WDR20: variants seen among roughly 807,000 people sequenced by gnomAD.
WDR20 encodes the protein WD repeat domain 20, also known as WD repeat-containing protein 20.
A neutral mutation model predicts 38.7 loss-of-function variants in WDR20; 3 were observed. The ratio of observed to expected loss-of-function variants is 0.08; its 90% CI spans 0.04 to 0.20. The LOEUF is 0.20. Among genes scored for constraint, WDR20 ranks in the 10% least tolerant of loss-of-function variants. The pLI is 1.00. For missense variants in WDR20, 559 were observed against 727.7 expected (o/e 0.77, Z 2.67); for synonymous variants, 298 against 285.6 (o/e 1.04, Z -0.44).
At chr14:102,211,004 G>A (rs1239887969), downstream of WDR20, among the ~76,000 whole-genome samples, 1 of 152,156 alleles carries the variant, frequency 6.6e-6, no homozygotes, top group African/African-American at 2.4e-5. The surrounding 1 kb of genome is among the most constrained non-coding windows in gnomAD (Gnocchi z 4.2). Context: ...CCACCCTAGC[G>A]CCTCAGCCCA....
At chr14:102,212,659 G>A (rs1358759863), downstream of WDR20, 2 of 1,528,582 alleles carry the variant, frequency 1.3e-6, no homozygotes, top group Non-Finnish European at 1.8e-6. Context: ...GTGCTTCTGA[G>A]TAATGGCTCC....
At chr14:102,212,625 A>G (rs1284906688), downstream of WDR20, 3 of 1,534,768 alleles carry the variant, frequency 2.0e-6, no homozygotes, top group Non-Finnish European at 2.6e-6. Flanking sequence ...AGAGAGGGGC[A>G]GGGAAGCGCC....
intron 1 of WDR20, chr14:102,193,498 T>C: frequency 6.2e-7 from 1 of 1,613,590 alleles, no homozygotes; most frequent in Non-Finnish European, 8.5e-7. Context: ...GAGATTCTCA[T>C]CTCCGTTTTA....
At chr14:102,223,832 G>T (rs987802416), downstream of WDR20, among the ~76,000 whole-genome samples, 2 of 152,074 alleles carry the variant, frequency 1.3e-5, no homozygotes, top group South Asian at 4.2e-4. Flanking sequence ...GCTCAGGAGG[G>T]CGTGGGCTCT....
chr14:102,190,779 T>C (rs2066169191), intron 1 of WDR20, among the ~76,000 whole-genome samples: 1 of 152,050 alleles, frequency 6.6e-6, no homozygotes. Flanking sequence ...GGCGGGCAGA[T>C]CACTTGAGGT....
chr14:102,195,938 A>G (rs1009172140), intron 2 of WDR20: 8 of 152,226 alleles, frequency 5.3e-5, no homozygotes, highest in Non-Finnish European at 8.8e-5. Context: ...CTGGGTTCCA[A>G]TCTCTACTTG....
chr14:102,139,578 C>T, upstream of WDR20: 1 of 723,900 alleles, frequency 1.4e-6, no homozygotes, highest in Non-Finnish European at 2.2e-6. Context: ...CGCGGTTCCC[C>T]CTGACCGGCT....
chr14:102,147,200 G>T (rs780471195), intron 1 of WDR20, among the ~76,000 whole-genome samples: 2 of 152,134 alleles, frequency 1.3e-5, no homozygotes, highest in Non-Finnish European at 2.9e-5. Context: ...TTCAAGACCA[G>T]CCTGGCCAAC....
intron 2 of WDR20, among the ~76,000 whole-genome samples, chr14:102,200,468 TG>T (rs754740194): frequency 0.099 from 4,237 of 43,004 alleles, 101 homozygotes; most frequent in Middle Eastern, 0.26. Context: ...TTTTTTTTTT[TG>T]TGTGTGTGTG....
At chr14:102,141,643 G>A (rs895199341) in intron 1 of WDR20, among the ~76,000 whole-genome samples, 1 of 152,038 alleles carries the variant, frequency 6.6e-6, no homozygotes, top group African/African-American at 2.4e-5. Context: ...AAAAGGGAAT[G>A]TTACAGTGCA....
intron 1 of WDR20, among the ~76,000 whole-genome samples, chr14:102,177,347 CTG>C (rs2062382274): frequency 6.6e-6 from 1 of 152,188 alleles, no homozygotes; most frequent in African/African-American, 2.4e-5. Flanking sequence ...ACTGCAGGAA[CTG>C]TGAAAAACAT....
downstream of WDR20, chr14:102,212,744 G>A (rs1198313682): frequency 1.4e-6 from 2 of 1,392,518 alleles, no homozygotes; most frequent in African/African-American, 2.9e-5. Context: ...TGCAATGCGT[G>A]CTGCTAACCC....
chr14:102,208,825 G>A lies in WDR20; in HGVS notation c.655G>A (p.Gly219Ser). 6.2e-7 allele frequency: 1 copy of A among 1,614,244 alleles called. No homozygotes were observed. Among genetic ancestry groups the A allele is most frequent in the Non-Finnish European group, 8.5e-7 (1 of 1,180,056 alleles). Residue 219 changes from glycine to serine, a missense_variant, in exon 3 of 3, where the codon GGC becomes AGC. By Grantham distance (56) the Gly-to-Ser change is moderately conservative (BLOSUM62 0). Transcript: ENST00000342702. The surrounding 1 kb of genome is among the most constrained non-coding windows in gnomAD (Gnocchi z 5.6). ...GAACCCTCTCCTTAAGTGGACGGTG[G>A]GCGAGGGGGCCCTCAACGAGTTTGC... ...TRNPLLKWTV[G>S]EGALNEFAFS...
chr14:102,148,180 G>A (rs1005954510), intron 1 of WDR20, among the ~76,000 whole-genome samples: 1 of 152,218 alleles, frequency 6.6e-6, no homozygotes, highest in Non-Finnish European at 1.5e-5. Context: ...CTTAAAAATA[G>A]AAGTAACCTT....
At position 102,210,447 on chromosome 14, in the gene WDR20, A is replaced by C; in HGVS notation, c.*567A>C. The C allele has an allele frequency of 1.1e-5, 11 of 985,420 alleles. No individual in the cohort carries two copies. Among genetic ancestry groups the C allele is most frequent in the Non-Finnish European group, 1.3e-5 (11 of 829,908 alleles). 61.0% of individuals were successfully genotyped at this position (985,420 alleles called of 1,614,324 possible). ...CATTGTTCTGGCAATCCACAGAAAG[A>C]GAAGAGCCTTAATTTTTAAAACCCA... On this transcript the variant is annotated 3_prime_UTR_variant, in exon 3 of 3. Transcript: ENST00000342702.
chr14:102,156,585 T>G (rs896114355), intron 1 of WDR20, among the ~76,000 whole-genome samples: 3 of 152,052 alleles, frequency 2.0e-5, no homozygotes, highest in African/African-American at 7.3e-5. Context: ...CGGGTCTCAC[T>G]GCAGCCTTGA....
At chr14:102,187,045 G>A (rs2064992094) in intron 1 of WDR20, among the ~76,000 whole-genome samples, 1 of 151,964 alleles carries the variant, frequency 6.6e-6, no homozygotes, top group African/African-American at 2.4e-5. Flanking sequence ...GCCCCTAGTC[G>A]TTCCACTTCT....
chr14:102,209,366 C>T lies in WDR20; in HGVS notation c.1196C>T (p.Thr399Ile). The change falls in exon 3 of 3, where the codon ACA (threonine) becomes ATA (isoleucine). Residue 399 changes from threonine to isoleucine, a missense_variant. Physicochemically the swap from Thr to Ile is moderately conservative, Grantham distance 89. Coordinates refer to ENST00000342702, the MANE Select transcript of WDR20 (RefSeq NM_144574.4). The surrounding 1 kb of genome is among the most constrained non-coding windows in gnomAD (Gnocchi z 6.0). Reference sequence around the variant, plus strand: ...CACCAACCCCTCTCAAGAGCAAGGACACACACAAATGTCATGAATGCCACG... The same window carrying T: ...CACCAACCCCTCTCAAGAGCAAGGATACACACAAATGTCATGAATGCCACG... ...FPHQPLSRAR[T>I]HTNVMNATSP... is the part of the protein sequence containing the mutation. The T allele has an allele frequency of 6.2e-7, 1 of 1,614,096 alleles. No homozygotes were observed. Among genetic ancestry groups the T allele is most frequent in the Non-Finnish European group, 8.5e-7 (1 of 1,180,024 alleles).
chr14:102,212,698 G>T, downstream of WDR20: 1 of 1,491,688 alleles, frequency 6.7e-7, no homozygotes, highest in Non-Finnish European at 8.9e-7. Context: ...CTGGGGAGGG[G>T]TGGCCGCGGT....
Sources: gnomAD v4.1 joint callset for allele counts (sites outside exome capture counted in the v4.1 genomes callset) on GRCh38, gnomAD v4.1.1 for gene constraint, Gnocchi (gnomAD v3.1) non-coding constraint, MANE v1.5 for transcripts, NCBI Gene and HGNC (gene_info 2026-07-23, HGNC 2026-07-21) for gene names.